Variants in MOB3B observed in about 807,000 individuals in gnomAD.
The protein encoded by MOB3B is MOB kinase activator 3B.
A neutral mutation model predicts 18.7 loss-of-function variants in MOB3B; 7 were observed. That is an observed-to-expected ratio of 0.37 (90% CI 0.21 to 0.70). The LOEUF (loss-of-function observed/expected upper bound fraction) is 0.70, where lower values mean the gene tolerates loss of function less well. Ranked by LOEUF, MOB3B falls within the 30% of genes least tolerant of loss-of-function variation. The probability of loss-of-function intolerance (pLI) is 0.52; values close to 1 mark genes in which losing one functional copy is unlikely to be tolerated. For synonymous variants in MOB3B, 111 were observed against 99.9 expected, an observed-to-expected ratio of 1.11 and a Z score of -0.66; for missense variants, 253 against 281.3, an observed-to-expected ratio of 0.90 and a Z score of 0.72.
chr9:27,452,492 A>T, intron 2 of MOB3B, among the ~76,000 whole-genome samples: 1 of 152,228 alleles, frequency 6.6e-6, no homozygotes, highest in East Asian at 1.9e-4. Context: ...CTGAGTGGTT[A>T]CAATAAACAG....
At chr9:27,489,191 C>T (rs1819776596) in intron 1 of MOB3B, among the ~76,000 whole-genome samples, 1 of 152,228 alleles carries the variant, frequency 6.6e-6, no homozygotes, top group Non-Finnish European at 1.5e-5. Context: ...ATTTACTTCT[C>T]CTAGTCCGTC....
intron 2 of MOB3B, among the ~76,000 whole-genome samples, chr9:27,432,760 T>G (rs1822435232): frequency 6.6e-6 from 1 of 152,216 alleles, no homozygotes; most frequent in African/African-American, 2.4e-5. Context: ...CTATGCATTT[T>G]AATCAGTGTT....
At chr9:27,502,982 G>A (rs1364139882) in intron 1 of MOB3B, among the ~76,000 whole-genome samples, 2 of 152,172 alleles carry the variant, frequency 1.3e-5, no homozygotes, top group African/African-American at 4.8e-5. Context: ...TCAGAGATCT[G>A]CAGACCCTTT....
chr9:27,381,076 G>A (rs756527952), intron 2 of MOB3B, among the ~76,000 whole-genome samples: 2 of 152,174 alleles, frequency 1.3e-5, no homozygotes, highest in Non-Finnish European at 2.9e-5. Context: ...GACAAGACAT[G>A]CAGCTGAGAT....
rs1822228701 is a variant in MOB3B, at chr9:27,420,547, C to CTA, written c.418+34585_418+34586insTA. Among the ~76,000 whole-genome samples the CTA allele has an allele frequency of 4.0e-4, 18 of 44,806 alleles. 1 individual carries two copies. Among genetic ancestry groups the CTA allele is most frequent in the Non-Finnish European group, 6.3e-4 (16 of 25,444 alleles). 29.4% of individuals were successfully genotyped at this position (44,806 alleles called of 152,430 possible). ...CATCTATATATTCCATCTGTATATT[C>CTA]CATATATATATATATATATATATAT... On this transcript the variant is annotated intron_variant, in intron 2 of 3. Transcript: ENST00000262244.
intron 3 of MOB3B, among the ~76,000 whole-genome samples, chr9:27,339,168 T>C (rs184218283): frequency 2.6e-5 from 4 of 152,350 alleles, no homozygotes; most frequent in Admixed American, 2.0e-4. Flanking sequence ...TGGAGCTTCC[T>C]GCCTGGAAGC....
intron 2 of MOB3B, among the ~76,000 whole-genome samples, chr9:27,419,467 A>T (rs1822207269): frequency 6.6e-6 from 1 of 152,198 alleles, no homozygotes; most frequent in African/African-American, 2.4e-5. Flanking sequence ...CACATACACC[A>T]ATGGAACAGA....
At chr9:27,495,778 T>C (rs1195299387) in intron 1 of MOB3B, among the ~76,000 whole-genome samples, 1 of 152,228 alleles carries the variant, frequency 6.6e-6, no homozygotes, top group Non-Finnish European at 1.5e-5. Context: ...AAGTGCTTTA[T>C]TGTTTGATAT....
intron 3 of MOB3B, among the ~76,000 whole-genome samples, chr9:27,343,346 G>A (rs996440358): frequency 1.3e-4 from 19 of 151,242 alleles, no homozygotes; most frequent in Admixed American, 3.3e-4. Flanking sequence ...GCGGAAGGCC[G>A]CGGGGTCCTC....
intron 3 of MOB3B, among the ~76,000 whole-genome samples, chr9:27,335,125 G>T (rs1202580369): frequency 6.6e-6 from 1 of 152,204 alleles, no homozygotes; most frequent in African/African-American, 2.4e-5. Flanking sequence ...ATTTTCATAT[G>T]GAACATATGA....
Position 27,450,153 on chromosome 9 carries a change from G to C in MOB3B, c.418+4980C>G, listed in dbSNP as rs1822762381. Among the ~76,000 whole-genome samples the C allele has an allele frequency of 1.3e-5, 2 of 152,124 alleles. 1 individual carries two copies. The highest frequency in any genetic ancestry group is 4.8e-5 in the African/African-American group (2 of 41,434). Reference sequence around the variant, plus strand: ...GACTCAGCTGTAGTCTCATCGGAAAGGTTACCAAAGGGATGCAACTATTTC... The same window carrying C: ...GACTCAGCTGTAGTCTCATCGGAAACGTTACCAAAGGGATGCAACTATTTC... On this transcript the variant is annotated intron_variant, in intron 2 of 3. Transcript: ENST00000262244.
At chr9:27,461,616 G>A (rs1819288722) in intron 1 of MOB3B, among the ~76,000 whole-genome samples, 1 of 152,242 alleles carries the variant, frequency 6.6e-6, no homozygotes. Context: ...ACAGAAGTCT[G>A]TCACAGGACT....
chr9:27,517,083 T>C (rs1009604714), intron 1 of MOB3B, among the ~76,000 whole-genome samples: 1 of 152,128 alleles, frequency 6.6e-6, no homozygotes, highest in Non-Finnish European at 1.5e-5. Flanking sequence ...TCCAAATCAA[T>C]TTCCAAAAGT....
intron 2 of MOB3B, among the ~76,000 whole-genome samples, chr9:27,383,220 C>T (rs527419232): frequency 6.6e-6 from 1 of 152,250 alleles, no homozygotes; most frequent in South Asian, 2.1e-4. Context: ...AACAGAACCT[C>T]ACCCACAGGG....
At chr9:27,448,363 G>A (rs1822726729) in intron 2 of MOB3B, among the ~76,000 whole-genome samples, 1 of 152,108 alleles carries the variant, frequency 6.6e-6, no homozygotes, top group Admixed American at 6.6e-5. Context: ...TCCCCGAGTG[G>A]GTAACTTATA....
intron 2 of MOB3B, among the ~76,000 whole-genome samples, chr9:27,433,488 G>A (rs1451874848): frequency 1.3e-5 from 2 of 152,022 alleles, no homozygotes; most frequent in Non-Finnish European, 2.9e-5. Context: ...ACAGAAATCA[G>A]AAATGCAAAA....
At chr9:27,381,921 C>T (rs1369996972) in intron 2 of MOB3B, among the ~76,000 whole-genome samples, 1 of 152,146 alleles carries the variant, frequency 6.6e-6, no homozygotes, top group Non-Finnish European at 1.5e-5. Flanking sequence ...GTTAGGATTA[C>T]AAGTGTGAGC....
chr9:27,395,926 G>C (rs918760720), intron 2 of MOB3B, among the ~76,000 whole-genome samples: 1 of 152,172 alleles, frequency 6.6e-6, no homozygotes, highest in Non-Finnish European at 1.5e-5. Context: ...TCAGCAAGCA[G>C]CTTGGCATGT....
At chr9:27,464,722 A>G (rs1819349639) in intron 1 of MOB3B, among the ~76,000 whole-genome samples, 1 of 152,198 alleles carries the variant, frequency 6.6e-6, no homozygotes, top group Non-Finnish European at 1.5e-5. Flanking sequence ...ACAGTTCCAC[A>G]TGGCTGGGGA....
Sources: gnomAD v4.1 joint callset for allele counts (sites outside exome capture counted in the v4.1 genomes callset) on GRCh38, gnomAD v4.1.1 for gene constraint, MANE v1.5 for transcripts, NCBI Gene and HGNC (gene_info 2026-07-23, HGNC 2026-07-21) for gene names.